The following HECW1 variants were observed in gnomAD, a reference collection of about 807,000 sequenced individuals.
HECW1 encodes HECT, C2 and WW domain containing E3 ubiquitin protein ligase 1, also known as E3 ubiquitin-protein ligase HECW1.
HECW1 carries 61 observed loss-of-function variants against 182.3 expected under a neutral mutation model. That is an observed-to-expected ratio of 0.33 (90% CI 0.27 to 0.41). The LOEUF (loss-of-function observed/expected upper bound fraction) is 0.41. Ranked by LOEUF, HECW1 falls within the 10% of genes least tolerant of loss-of-function variation. HECW1 has a pLI of 1.00. For synonymous variants in HECW1, 859 were observed against 832.6 expected (o/e 1.03, Z -0.55); for missense variants, 1,739 against 2,108.9 (o/e 0.82, Z 3.44).
intron 8 of HECW1, among the ~76,000 whole-genome samples, chr7:43,431,539 T>C (rs961630771): frequency 1.3e-5 from 2 of 152,158 alleles, no homozygotes; most frequent in African/African-American, 2.4e-5. Context: ...CTGATCTGCC[T>C]CCTCCAGGCC....
intron 5 of HECW1, among the ~76,000 whole-genome samples, chr7:43,330,657 G>T (rs1811346461): frequency 6.6e-6 from 1 of 152,244 alleles, no homozygotes; most frequent in South Asian, 2.1e-4. Flanking sequence ...CCTGTGGAGG[G>T]TGGCCATGTG....
intron 2 of HECW1, among the ~76,000 whole-genome samples, chr7:43,131,083 T>C (rs1786864527): frequency 6.7e-6 from 1 of 149,760 alleles, no homozygotes; most frequent in Non-Finnish European, 1.5e-5. Context: ...CTGGCCAATA[T>C]GGTGAAACCC....
chr7:43,201,945 G>A (rs1554306376), intron 2 of HECW1, among the ~76,000 whole-genome samples: 2 of 152,198 alleles, frequency 1.3e-5, no homozygotes, highest in Non-Finnish European at 2.9e-5. Flanking sequence ...TAGAATCAAA[G>A]TCCATTTTAT....
In HECW1 at chr7:43,472,706, C is replaced by T. The variant is rs149648871; in HGVS notation, c.3099+3601C>T. The stretch of plus-strand genomic sequence containing the variant: ...AATTACAGTAAAGGTAATTAAAATA[C>T]ATTATATATCTACACATGTTCTGGA... On this transcript the variant is annotated intron_variant, in intron 16 of 29. Coordinates refer to ENST00000395891, the MANE Select transcript of HECW1 (RefSeq NM_015052.5). Among the ~76,000 whole-genome samples, 133 of 152,132 alleles carry T rather than the reference C, an allele frequency of 8.7e-4. 1 individual carries two copies. In the East Asian group the frequency reaches 0.021, roughly 24 times the overall value.
At chr7:43,415,640 A>G (rs2075967528) in intron 8 of HECW1, among the ~76,000 whole-genome samples, 2 of 147,978 alleles carry the variant, frequency 1.4e-5, no homozygotes, top group South Asian at 4.3e-4. Flanking sequence ...ACTTGGTTCC[A>G]TTCTCCCCAT....
At chr7:43,533,058 A>G (rs1471967718) in intron 24 of HECW1, among the ~76,000 whole-genome samples, 1 of 151,082 alleles carries the variant, frequency 6.6e-6, no homozygotes, top group Admixed American at 6.6e-5. Context: ...TTGCACCATC[A>G]CTCTCCACCG....
At chr7:43,293,564 T>G (rs1466441955) in intron 3 of HECW1, among the ~76,000 whole-genome samples, 1 of 152,194 alleles carries the variant, frequency 6.6e-6, no homozygotes, top group African/African-American at 2.4e-5. Flanking sequence ...TTAGGTTCCC[T>G]GTCTCCAGAC....
intron 2 of HECW1, among the ~76,000 whole-genome samples, chr7:43,203,649 G>T (rs967202168): frequency 1.3e-5 from 2 of 152,016 alleles, no homozygotes; most frequent in East Asian, 3.9e-4. Flanking sequence ...GTAGAGACAG[G>T]GTTTCGCCAT....
At chr7:43,425,596 A>C (rs957384066) in intron 8 of HECW1, among the ~76,000 whole-genome samples, 18 of 152,186 alleles carry the variant, frequency 1.2e-4, no homozygotes, top group Non-Finnish European at 2.5e-4. Context: ...GTAATTTATA[A>C]ATAAAAGAAG....
intron 5 of HECW1, among the ~76,000 whole-genome samples, chr7:43,355,529 A>G (rs1317464961): frequency 6.6e-6 from 1 of 152,150 alleles, no homozygotes; most frequent in Non-Finnish European, 1.5e-5. Context: ...CATCTCCTTA[A>G]AATAACTTGT....
intron 7 of HECW1, among the ~76,000 whole-genome samples, chr7:43,403,941 A>C (rs1270939461): frequency 2.0e-5 from 3 of 152,226 alleles, no homozygotes; most frequent in South Asian, 4.1e-4. Context: ...GAACCAAAAA[A>C]TACAGGCAAA....
At chr7:43,204,878 A>G (rs1165456912) in intron 2 of HECW1, among the ~76,000 whole-genome samples, 1 of 152,168 alleles carries the variant, frequency 6.6e-6, no homozygotes, top group Non-Finnish European at 1.5e-5. Flanking sequence ...ACCATCCCAC[A>G]GGAACTGGGA....
At chr7:43,227,642 T>C (rs1797545151) in intron 2 of HECW1, among the ~76,000 whole-genome samples, 1 of 152,202 alleles carries the variant, frequency 6.6e-6, no homozygotes, top group Non-Finnish European at 1.5e-5. Flanking sequence ...TTTCTGTTAA[T>C]TGACATTTTT....
At chr7:43,508,772 A>C (rs541043613) in intron 23 of HECW1, 197 bp from the exon 24 acceptor site, 1 of 604,138 alleles carries the variant, frequency 1.7e-6, no homozygotes, top group South Asian at 2.2e-5. Context: ...GTTAAGAAAC[A>C]TCTCCAAACC....
Position 43,374,761 on chromosome 7 carries a change from T to G in HECW1, c.555+13781T>G, listed in dbSNP as rs866331439. ...TGCACTCCAGCCTGGGCGACAGAGC[T>G]AGACTCCGTCTCAAAAAAAAAAAAA... is the stretch of plus-strand genomic sequence containing the variant. On this transcript the variant is annotated intron_variant, in intron 6 of 29. Coordinates refer to ENST00000395891, the MANE Select transcript of HECW1 (RefSeq NM_015052.5). Among the ~76,000 whole-genome samples the G allele has an allele frequency of 6.4e-5, 2 of 31,448 alleles. 1 individual carries two copies. The highest frequency in any genetic ancestry group is 7.5e-4 in the African/African-American group (2 of 2,680). 20.6% of individuals were successfully genotyped at this position (31,448 alleles called of 152,430 possible).
chr7:43,218,207 A>G (rs375115908), intron 2 of HECW1, among the ~76,000 whole-genome samples: 14 of 152,226 alleles, frequency 9.2e-5, no homozygotes, highest in African/African-American at 1.2e-4. Context: ...ATTCAGTGTA[A>G]GATATATTTA....
intron 8 of HECW1, among the ~76,000 whole-genome samples, chr7:43,426,735 G>A (rs993273858): frequency 6.6e-5 from 10 of 152,052 alleles, no homozygotes; most frequent in African/African-American, 1.9e-4. Context: ...TACTTATAAC[G>A]TGTTCTGGTT....
intron 24 of HECW1, among the ~76,000 whole-genome samples, chr7:43,518,387 T>C (rs1252385233): frequency 6.6e-6 from 1 of 151,688 alleles, no homozygotes; most frequent in African/African-American, 2.4e-5. Context: ...TCCCAGCTAC[T>C]CAGGAGGCTG....
intron 2 of HECW1, among the ~76,000 whole-genome samples, chr7:43,157,253 C>T (rs1445904596): frequency 6.6e-6 from 1 of 152,136 alleles, no homozygotes; most frequent in African/African-American, 2.4e-5. Flanking sequence ...CTTTAGGAAA[C>T]TCCAGAGTTT....
Sources: gnomAD v4.1 joint callset for allele counts (sites outside exome capture counted in the v4.1 genomes callset) on GRCh38, gnomAD v4.1.1 for gene constraint, MANE v1.5 for transcripts, NCBI Gene and HGNC (gene_info 2026-07-23, HGNC 2026-07-21) for gene names.